The following ARSF variants were observed in gnomAD, a reference collection of about 807,000 sequenced individuals.
ARSF encodes arylsulfatase F.
Under a neutral mutation model 35.4 loss-of-function variants are expected in ARSF, and 33 were observed. That is an observed-to-expected ratio of 0.93 (90% CI 0.71 to 1.25). The LOEUF is 1.25. ARSF is among the 50% of genes most tolerant of loss of function. The probability of loss-of-function intolerance (pLI) is 0.00; values close to 1 mark genes in which losing one functional copy is unlikely to be tolerated. For missense variants in ARSF, 501 were observed against 480.2 expected, an observed-to-expected ratio of 1.04 and a Z score of -0.40; for synonymous variants, 222 against 193.1, an observed-to-expected ratio of 1.15 and a Z score of -1.24.
intron 4 of ARSF, among the ~76,000 whole-genome samples, chrX:3,079,447 C>T (rs1224831778): frequency 1.9e-5 from 2 of 105,556 alleles, no homozygotes; most frequent in African/African-American, 3.5e-5. Context: ...TGGGTTCAAG[C>T]GATTCTCCTG....
chrX:3,046,274 C>T (rs2089975376), intron 1 of ARSF, among the ~76,000 whole-genome samples: 1 of 111,884 alleles, frequency 8.9e-6, no homozygotes, highest in South Asian at 3.8e-4. Flanking sequence ...TAGCCCTTTC[C>T]CATTGGCACA....
intron 5 of ARSF, among the ~76,000 whole-genome samples, chrX:3,083,507 TATCTATCTATCTATCTATCTATCC>T (rs1054192552): frequency 2.6e-4 from 16 of 62,251 alleles, no homozygotes; most frequent in Middle Eastern, 7.8e-3. Context: ...TCTATCTATC[TATCTATCTATCTATCTATCTATCC>T]ATCCATCCAT....
chrX:3,065,913 A>G (rs73439663), intron 1 of ARSF, among the ~76,000 whole-genome samples: 7,865 of 110,226 alleles, frequency 0.071, 394 homozygotes, highest in African/African-American at 0.18. Flanking sequence ...AGCCTGGGCA[A>G]CATAGTGAGA....
Position 3,101,207 on chromosome X carries a change from A to G in ARSF, c.1088A>G (p.Asn363Ser). Residue 363 changes from asparagine to serine, a missense_variant, in exon 8 of 11, where the codon AAT becomes AGT. Asn to Ser is a conservative substitution (Grantham distance 46, BLOSUM62 1). Coordinates refer to ENST00000381127, the MANE Select transcript of ARSF (RefSeq NM_001201539.2). The stretch of plus-strand genomic sequence containing the variant: ...GGGCATGCCCAACTTGGTGGATGGA[A>G]TGGAATATACAAAGGTGAGGAGAGG... ...RRGHAQLGGW[N>S]GIYKGGKGMG... 5 of 1,211,210 alleles carry G rather than the reference A, an allele frequency of 4.1e-6. No individual in the cohort carries two copies. The East Asian group carries it at 1.5e-4, about 36-fold the overall frequency.
chrX:3,047,397 C>G (rs1033559348), intron 1 of ARSF, among the ~76,000 whole-genome samples: 1 of 110,875 alleles, frequency 9.0e-6, no homozygotes, highest in Non-Finnish European at 1.9e-5. Flanking sequence ...CCAGACTACT[C>G]TTGAACTCCT....
intron 1 of ARSF, among the ~76,000 whole-genome samples, chrX:3,057,669 A>G (rs965995263): frequency 3.6e-5 from 4 of 111,951 alleles, no homozygotes; most frequent in African/African-American, 1.3e-4. Context: ...AAGAGGGGAC[A>G]TTATATTTCC....
chrX:3,108,586 T>C (rs1474228960), intron 9 of ARSF, among the ~76,000 whole-genome samples: 1 of 112,366 alleles, frequency 8.9e-6, no homozygotes, highest in Non-Finnish European at 1.9e-5. Flanking sequence ...TCATTGCAAA[T>C]ATATAGACAT....
intron 9 of ARSF, among the ~76,000 whole-genome samples, chrX:3,106,004 AAAG>A (rs1313769676): frequency 1.8e-5 from 2 of 111,898 alleles, no homozygotes; most frequent in African/African-American, 3.2e-5. Context: ...CTCACGTTAA[AAAG>A]AAGAACGAGT....
intron 7 of ARSF, among the ~76,000 whole-genome samples, chrX:3,093,407 C>A (rs2090315273): frequency 9.0e-6 from 1 of 111,240 alleles, no homozygotes; most frequent in Non-Finnish European, 1.9e-5. Context: ...GCCCTTGTCC[C>A]CCACCTTCCT....
intron 1 of ARSF, among the ~76,000 whole-genome samples, chrX:3,055,342 CAAAAAAAA>C (rs770014108): frequency 2.8e-4 from 9 of 32,463 alleles, no homozygotes; most frequent in African/African-American, 6.9e-4. Flanking sequence ...AACTCCATTT[CAAAAAAAA>C]AAAAAAAAAA....
At chrX:3,043,110 G>A (rs1378621825) in intron 1 of ARSF, among the ~76,000 whole-genome samples, 1 of 111,181 alleles carries the variant, frequency 9.0e-6, no homozygotes, top group Non-Finnish European at 1.9e-5. Flanking sequence ...AGCCAAGATC[G>A]TGCCACTGCA....
chrX:3,053,792 G>A (rs1212568912), intron 1 of ARSF, among the ~76,000 whole-genome samples: 5 of 94,772 alleles, frequency 5.3e-5, no homozygotes, highest in East Asian at 3.2e-4. Context: ...GTGGAGTTTC[G>A]TTCTTGTCAT....
intron 9 of ARSF, 94 bp from the exon 10 acceptor site, chrX:3,110,034 A>G: frequency 6.5e-6 from 6 of 927,508 alleles, no homozygotes; most frequent in Non-Finnish European, 8.6e-6. Flanking sequence ...GACCTGAGGC[A>G]TGACGCAGTC....
At chrX:3,058,708 G>A (rs186319642) in intron 1 of ARSF, 78 of 287,354 alleles carry the variant, frequency 2.7e-4, no homozygotes, top group African/African-American at 2.0e-3. Flanking sequence ...AGAAAATAAA[G>A]AAATTACCCA....
At position 3,084,163 on chromosome X, in the gene ARSF, G is replaced by T; in HGVS notation, c.407-80G>T. ...GTATTAGCTGATTGTTTCACGTGAA[G>T]AATGCTCACATGGTTTTTGCAATGT... is the stretch of plus-strand genomic sequence containing the variant. On this transcript the variant is annotated intron_variant, in intron 5 of 10. Coordinates refer to ENST00000381127, the MANE Select transcript of ARSF (RefSeq NM_001201539.2). 2.9e-6 allele frequency: 3 copies of T among 1,042,215 alleles called. No homozygotes were observed. The East Asian group carries it at 9.2e-5, about 32-fold the overall frequency. The allele number at this position is 1,042,215 out of a possible 1,213,427, so 85.9% of individuals were successfully genotyped here.
At chrX:3,074,052 T>C (rs959512289) in intron 3 of ARSF, among the ~76,000 whole-genome samples, 2 of 110,528 alleles carry the variant, frequency 1.8e-5, no homozygotes, top group Non-Finnish European at 3.8e-5. Context: ...ATGCTGAAGG[T>C]AGTCATCACA....
rs765580113 is a variant in ARSF at position 3,081,051 on chromosome X, G to C, written c.406+38G>C. The C allele has an allele frequency of 2.5e-6, 3 of 1,194,972 alleles. No homozygotes were observed. The Admixed American group carries it at 6.8e-5, about 27-fold the overall frequency. On this transcript the variant is annotated intron_variant, in intron 5 of 10. Coordinates refer to ENST00000381127, the MANE Select transcript of ARSF (RefSeq NM_001201539.2). Reference sequence around the variant, plus strand: ...AATTGGTGTTAGTCATTGATCATAAGGTAATCATGTCCTTTGTTCTACCCT... The same window carrying C: ...AATTGGTGTTAGTCATTGATCATAACGTAATCATGTCCTTTGTTCTACCCT...
At chrX:3,099,812 G>A (rs958981986) in intron 7 of ARSF, among the ~76,000 whole-genome samples, 4 of 111,755 alleles carry the variant, frequency 3.6e-5, no homozygotes, top group East Asian at 2.8e-4. Context: ...TTTTCAGTGC[G>A]ATTTTTGCTA....
chrX:3,071,356 T>C (rs1044828770), intron 2 of ARSF, among the ~76,000 whole-genome samples: 2 of 110,357 alleles, frequency 1.8e-5, no homozygotes, highest in African/African-American at 6.6e-5. Flanking sequence ...CAGGCTGGAG[T>C]GCAGTGGCAC....
Sources: allele counts gnomAD v4.1 joint callset (sites outside exome capture counted in the v4.1 genomes callset), GRCh38; gene constraint gnomAD v4.1.1; transcripts MANE v1.5; gene names NCBI Gene and HGNC (gene_info 2026-07-23, HGNC 2026-07-21).